THEMIS: variants seen among roughly 807,000 people sequenced by gnomAD.
THEMIS encodes the protein protein THEMIS.
THEMIS carries 37 observed loss-of-function variants against 52.6 expected under a neutral mutation model. The observed-to-expected ratio is 0.70, with a 90% CI of 0.54 to 0.93. The LOEUF (loss-of-function observed/expected upper bound fraction) is 0.93, where lower values mean the gene tolerates loss of function less well. Among genes scored for constraint, THEMIS ranks in the 40% least tolerant of loss-of-function variants. The pLI is 0.00. For synonymous variants in THEMIS, 292 were observed against 272.7 expected, an observed-to-expected ratio of 1.07 and a Z score of -0.70; for missense variants, 808 against 763.1, an observed-to-expected ratio of 1.06 and a Z score of -0.69.
intron 1 of THEMIS, among the ~76,000 whole-genome samples, chr6:127,910,232 T>C (rs1781377763): frequency 6.6e-6 from 1 of 152,160 alleles, no homozygotes; most frequent in Admixed American, 6.6e-5. Flanking sequence ...ATTACAGTCA[T>C]AGTTCAGACT....
chr6:127,910,517 AGAGCCAGGAAATG>A (rs1781385218), intron 1 of THEMIS, among the ~76,000 whole-genome samples: 1 of 152,202 alleles, frequency 6.6e-6, no homozygotes, highest in South Asian at 2.1e-4. Context: ...CTCTCTGAAT[AGAGCCAGGAAATG>A]GAGAATCTGT....
intron 5 of THEMIS, among the ~76,000 whole-genome samples, chr6:127,716,381 G>A (rs1053424718): frequency 6.6e-6 from 1 of 151,772 alleles, no homozygotes; most frequent in Non-Finnish European, 1.5e-5. Flanking sequence ...TCATCCTCTT[G>A]TACCAAATGG....
intron 1 of THEMIS, among the ~76,000 whole-genome samples, chr6:127,869,498 T>C (rs576077325): frequency 3.3e-5 from 5 of 152,202 alleles, no homozygotes; most frequent in Non-Finnish European, 7.3e-5. Context: ...AAGTACATTT[T>C]CTACTAAATG....
chr6:127,843,210 G>A (rs765402606), intron 2 of THEMIS, among the ~76,000 whole-genome samples: 1 of 151,648 alleles, frequency 6.6e-6, no homozygotes, highest in African/African-American at 2.4e-5. Flanking sequence ...ACATTACAAT[G>A]CTACTGCATA....
intron 4 of THEMIS, among the ~76,000 whole-genome samples, chr6:127,811,199 T>C (rs923183363): frequency 3.3e-5 from 5 of 152,178 alleles, no homozygotes; most frequent in Non-Finnish European, 7.3e-5. Flanking sequence ...GTTACTATAA[T>C]AAATTATTAT....
chr6:127,764,738 G>A (rs1364852171), intron 4 of THEMIS, among the ~76,000 whole-genome samples: 1 of 151,862 alleles, frequency 6.6e-6, no homozygotes, highest in Non-Finnish European at 1.5e-5. Flanking sequence ...AGATTTTTGA[G>A]TATCTTTATT....
intron 4 of THEMIS, among the ~76,000 whole-genome samples, chr6:127,776,090 G>A (rs565289991): frequency 1.3e-5 from 2 of 152,208 alleles, no homozygotes; most frequent in South Asian, 2.1e-4. Flanking sequence ...GACTTTTTCT[G>A]TATAACTTTT....
At chr6:127,911,941 G>T (rs542634697) in intron 1 of THEMIS, among the ~76,000 whole-genome samples, 6 of 147,620 alleles carry the variant, frequency 4.1e-5, no homozygotes, top group African/African-American at 1.6e-4. Flanking sequence ...ACCTAGAAAA[G>T]CCACAGATAT....
chr6:127,799,529 C>T (rs577105468), intron 4 of THEMIS, among the ~76,000 whole-genome samples: 32 of 145,866 alleles, frequency 2.2e-4, no homozygotes, highest in African/African-American at 8.3e-4. Flanking sequence ...TTCTTTCTTT[C>T]TCTTTCTTTC....
chr6:127,745,729 T>C (rs1775366545), intron 4 of THEMIS, among the ~76,000 whole-genome samples: 1 of 151,906 alleles, frequency 6.6e-6, no homozygotes, highest in African/African-American at 2.4e-5. Flanking sequence ...TCTTTATTTT[T>C]GTTTTTTGTT....
intron 4 of THEMIS, among the ~76,000 whole-genome samples, chr6:127,785,489 A>C (rs535428226): frequency 5.9e-5 from 9 of 151,996 alleles, no homozygotes; most frequent in Non-Finnish European, 7.4e-5. Flanking sequence ...AAAAAAAAAA[A>C]AACAATACTT....
chr6:127,877,010 C>T (rs988819552), intron 1 of THEMIS, among the ~76,000 whole-genome samples: 3 of 152,090 alleles, frequency 2.0e-5, no homozygotes, highest in Admixed American at 1.3e-4. Flanking sequence ...ATTATATTTA[C>T]AGTATACTGT....
At chr6:127,720,060 C>G (rs1160202200) in intron 4 of THEMIS, among the ~76,000 whole-genome samples, 1 of 151,846 alleles carries the variant, frequency 6.6e-6, no homozygotes, top group Non-Finnish European at 1.5e-5. Context: ...AAACCATCTG[C>G]AAAGACTATT....
intron 3 of THEMIS, among the ~76,000 whole-genome samples, chr6:127,819,617 A>G (rs1778265945): frequency 6.6e-6 from 1 of 152,194 alleles, no homozygotes; most frequent in Admixed American, 6.5e-5. Flanking sequence ...TGCAAGCAAG[A>G]AGAGAATGGA....
intron 1 of THEMIS, among the ~76,000 whole-genome samples, chr6:127,863,593 T>C (rs270041): frequency 0.37 from 55,922 of 152,060 alleles, 10,892 homozygotes; most frequent in Middle Eastern, 0.48. Flanking sequence ...TGTCAAACAA[T>C]TGGAGTGTAT....
At chr6:127,742,314 A>T (rs1490209935) in intron 4 of THEMIS, among the ~76,000 whole-genome samples, 1 of 45,470 alleles carries the variant, frequency 2.2e-5, no homozygotes, top group Non-Finnish European at 6.4e-5. Context: ...GACTCTGCTT[A>T]AAAAAAAAAA....
intron 2 of THEMIS, among the ~76,000 whole-genome samples, chr6:127,852,434 T>C (rs1207199134): frequency 6.6e-6 from 1 of 151,444 alleles, no homozygotes; most frequent in Non-Finnish European, 1.5e-5. Flanking sequence ...TATATTCTTC[T>C]CAAGTGAATA....
At position 127,882,141 on chromosome 6, in the gene THEMIS, T is replaced by A. The variant is rs539806185; in HGVS notation, c.91+18701A>T. On this transcript the variant is annotated intron_variant, in intron 1 of 5. Transcript: ENST00000368248. ...TTGACTTAGCAATTTTTTAACTTTA[T>A]GATGATGTGAAAGTAGTACCTATTC... Among the ~76,000 whole-genome samples, 30 of 151,850 alleles carry A rather than the reference T, an allele frequency of 2.0e-4. 1 individual carries two copies. In the East Asian group the frequency reaches 4.6e-3, roughly 23 times the overall value.
In THEMIS at chr6:127,819,836, T is replaced by C. The variant is rs142116292; in HGVS notation, c.710-5905A>G. On this transcript the variant is annotated intron_variant, in intron 3 of 5. Transcript: ENST00000368248. ...ATGTTAAAGGTAGGAAACTCAGATG[T>C]ACACACAGAAAGGAAGAGTGCTGGA... 9.1e-4 allele frequency among the ~76,000 whole-genome samples: 138 copies of C among 152,320 alleles called. No individual in the cohort carries two copies. The East Asian group carries it at 0.024, about 27-fold the overall frequency.
Sources: gnomAD v4.1 joint callset for allele counts (sites outside exome capture counted in the v4.1 genomes callset) on GRCh38, gnomAD v4.1.1 for gene constraint, MANE v1.5 for transcripts, NCBI Gene and HGNC (gene_info 2026-07-23, HGNC 2026-07-21) for gene names.